MACROD2: variants seen among roughly 807,000 people sequenced by gnomAD.
MACROD2 encodes the protein ADP-ribose glycohydrolase MACROD2.
MACROD2 carries 36 observed loss-of-function variants against 70.4 expected under a neutral mutation model. The ratio of observed to expected loss-of-function variants is 0.51; its 90% CI spans 0.39 to 0.68. The LOEUF (loss-of-function observed/expected upper bound fraction) is 0.68, where lower values mean the gene tolerates loss of function less well. Ranked by LOEUF, MACROD2 falls within the 30% of genes least tolerant of loss-of-function variation. MACROD2 has a pLI of 0.00. For missense variants in MACROD2, 496 were observed against 538.4 expected, an observed-to-expected ratio of 0.92 and a Z score of 0.78; for synonymous variants, 172 against 178.8, an observed-to-expected ratio of 0.96 and a Z score of 0.30.
chr20:15,439,135 C>T (rs1325762939), intron 7 of MACROD2, among the ~76,000 whole-genome samples: 2 of 152,124 alleles, frequency 1.3e-5, no homozygotes, highest in African/African-American at 4.8e-5. Flanking sequence ...TATTACAGCC[C>T]ATGGAACAAT....
At chr20:15,538,627 G>T (rs8125646) in intron 8 of MACROD2, among the ~76,000 whole-genome samples, 1 of 152,160 alleles carries the variant, frequency 6.6e-6, no homozygotes, top group African/African-American at 2.4e-5. Flanking sequence ...CAGAGAAGTA[G>T]AGACTGAGAA....
chr20:15,461,912 T>A (rs1372639428), intron 7 of MACROD2, among the ~76,000 whole-genome samples: 1 of 152,194 alleles, frequency 6.6e-6, no homozygotes, highest in Non-Finnish European at 1.5e-5. Context: ...GCTGTAGACT[T>A]CTTTGTGTAA....
At chr20:14,847,394 G>A (rs2073154046) in intron 5 of MACROD2, among the ~76,000 whole-genome samples, 1 of 151,806 alleles carries the variant, frequency 6.6e-6, no homozygotes, top group Admixed American at 6.6e-5. Flanking sequence ...TGTCCCAGGT[G>A]TGGAATTAAG....
intron 4 of MACROD2, among the ~76,000 whole-genome samples, chr20:14,552,656 A>G (rs956891985): frequency 1.1e-4 from 17 of 152,248 alleles, no homozygotes; most frequent in African/African-American, 3.1e-4. Context: ...CCTAGGCTAT[A>G]TGGTATAGCC....
intron 4 of MACROD2, chr20:14,547,262 AC>A: frequency 1.8e-6 from 1 of 550,400 alleles, no homozygotes; most frequent in Non-Finnish European, 2.6e-6. Flanking sequence ...GATCTCATCA[AC>A]CAGTTATCTA....
intron 8 of MACROD2, among the ~76,000 whole-genome samples, chr20:15,825,487 G>GT (rs57572852): frequency 0.53 from 79,334 of 149,578 alleles, 22,418 homozygotes; most frequent in Non-Finnish European, 0.64. Flanking sequence ...TGATAAAATG[G>GT]TTTTTTTTTG....
intron 3 of MACROD2, among the ~76,000 whole-genome samples, chr20:14,210,002 C>T (rs2081557542): frequency 6.6e-6 from 1 of 152,092 alleles, no homozygotes; most frequent in Non-Finnish European, 1.5e-5. Context: ...AGTTGGTAAA[C>T]TTGCCTTTCT....
At chr20:15,748,885 T>C (rs377738250) in intron 8 of MACROD2, among the ~76,000 whole-genome samples, 193 of 152,270 alleles carry the variant, frequency 1.3e-3, no homozygotes, top group African/African-American at 4.1e-3. Flanking sequence ...AAGAGCAGGC[T>C]TTAATCTTCG....
chr20:14,459,456 ATATT>A (rs1159862342), intron 3 of MACROD2, among the ~76,000 whole-genome samples: 1 of 151,974 alleles, frequency 6.6e-6, no homozygotes, highest in Admixed American at 6.6e-5. Context: ...CATCTGAAAG[ATATT>A]TATATATAAA....
At chr20:14,016,020 C>G (rs2052985346) in intron 2 of MACROD2, among the ~76,000 whole-genome samples, 1 of 152,162 alleles carries the variant, frequency 6.6e-6, no homozygotes, top group Non-Finnish European at 1.5e-5. Flanking sequence ...CATGGTAATT[C>G]TACTTAACTT....
intron 6 of MACROD2, among the ~76,000 whole-genome samples, chr20:15,378,382 G>A (rs6034167): frequency 0.094 from 14,195 of 151,748 alleles, 1,152 homozygotes; most frequent in African/African-American, 0.21. Context: ...AGATGATACT[G>A]TGCTGGAATG....
At chr20:16,047,997 A>C (rs2067407370) in intron 17 of MACROD2, among the ~76,000 whole-genome samples, 1 of 152,196 alleles carries the variant, frequency 6.6e-6, no homozygotes, top group African/African-American at 2.4e-5. Context: ...GAAACCGCAA[A>C]TACACTGTGA....
chr20:15,408,477 A>G (rs1247135884), intron 6 of MACROD2, among the ~76,000 whole-genome samples: 1 of 152,222 alleles, frequency 6.6e-6, no homozygotes, highest in African/African-American at 2.4e-5. Context: ...TTTTTTATCT[A>G]CGGTTCCATG....
chr20:14,210,364 C>G lies in MACROD2; in HGVS notation c.271+124636C>G, dbSNP rs73264817. 1.7e-3 allele frequency among the ~76,000 whole-genome samples: 257 copies of G among 152,258 alleles called. 1 individual carries two copies. The highest frequency in any genetic ancestry group is 5.8e-3 in the African/African-American group (243 of 41,548). On this transcript the variant is annotated intron_variant, in intron 3 of 17. Coordinates refer to ENST00000684519, the MANE Select transcript of MACROD2 (RefSeq NM_001351661.2). Reference sequence around the variant, plus strand: ...TGCAGCTAAAAGTAGGAACCTATGTCGGCACCCAAGGTGAGAGACAGTTGG... The same window carrying G: ...TGCAGCTAAAAGTAGGAACCTATGTGGGCACCCAAGGTGAGAGACAGTTGG...
At chr20:15,098,503 G>T (rs2075849985) in intron 5 of MACROD2, among the ~76,000 whole-genome samples, 1 of 152,174 alleles carries the variant, frequency 6.6e-6, no homozygotes, top group Non-Finnish European at 1.5e-5. Flanking sequence ...CTTGACTTCA[G>T]GCACACGTAA....
chr20:15,984,926 G>C (rs538699812), intron 13 of MACROD2, among the ~76,000 whole-genome samples: 3 of 152,168 alleles, frequency 2.0e-5, no homozygotes, highest in South Asian at 2.1e-4. Context: ...ACTGCTGTTG[G>C]GGGGAAGGGG....
chr20:14,476,776 A>C (rs1399200010), intron 3 of MACROD2, among the ~76,000 whole-genome samples: 1 of 152,234 alleles, frequency 6.6e-6, no homozygotes, highest in Non-Finnish European at 1.5e-5. Context: ...ACAAAAATAG[A>C]GTGGATTAAC....
At chr20:16,014,497 A>G (rs748145860) in intron 15 of MACROD2, among the ~76,000 whole-genome samples, 12 of 152,240 alleles carry the variant, frequency 7.9e-5, no homozygotes, top group Non-Finnish European at 1.6e-4. Flanking sequence ...TTTGCAGATT[A>G]CTAGGTCAGA....
At chr20:14,030,788 C>G (rs1015210164) in intron 2 of MACROD2, among the ~76,000 whole-genome samples, 2 of 144,654 alleles carry the variant, frequency 1.4e-5, no homozygotes, top group Non-Finnish European at 3.1e-5. Context: ...TGGTCAGACT[C>G]TTTGGAATTG....
Sources: gnomAD v4.1 joint callset for allele counts (sites outside exome capture counted in the v4.1 genomes callset) on GRCh38, gnomAD v4.1.1 for gene constraint, MANE v1.5 for transcripts, NCBI Gene and HGNC (gene_info 2026-07-23, HGNC 2026-07-21) for gene names.